Variants in ADAMTS6 observed in about 807,000 individuals in gnomAD.
ADAMTS6 encodes A disintegrin and metalloproteinase with thrombospondin motifs 6.
A neutral mutation model predicts 144.3 loss-of-function variants in ADAMTS6; 23 were observed. The ratio of observed to expected loss-of-function variants is 0.16; its 90% confidence interval spans 0.11 to 0.23. ADAMTS6 has a LOEUF of 0.23. Ranked by LOEUF, ADAMTS6 falls within the 10% of genes least tolerant of loss-of-function variation. ADAMTS6 has a pLI of 1.00. For synonymous variants in ADAMTS6, 444 were observed against 457.5 expected, an observed-to-expected ratio of 0.97 and a Z score of 0.38; for missense variants, 999 against 1,379.6, an observed-to-expected ratio of 0.72 and a Z score of 4.37.
chr5:65,251,952 A>G (rs898606784), intron 14 of ADAMTS6, among the ~76,000 whole-genome samples: 1 of 152,134 alleles, frequency 6.6e-6, no homozygotes, highest in Non-Finnish European at 1.5e-5. Flanking sequence ...TACCATTTCT[A>G]TACCTCTTAA....
In ADAMTS6 at chr5:65,296,264, T is replaced by C. The variant is rs191451410; in HGVS notation, c.1370+3721A>G. 9.3e-4 allele frequency among the ~76,000 whole-genome samples: 141 copies of C among 152,300 alleles called. 1 individual carries two copies. The highest frequency in any genetic ancestry group is 3.2e-3 in the African/African-American group (135 of 41,586). ...GCAAAATAGAATTGGGTTGATATCA[T>C]CTACAGTAAGTCAACTGTCTTACGT... On this transcript the variant is annotated intron_variant, in intron 10 of 24. Transcript: ENST00000381055.
chr5:65,196,384 G>A (rs947398940), intron 21 of ADAMTS6, among the ~76,000 whole-genome samples: 28 of 151,740 alleles, frequency 1.8e-4, no homozygotes, highest in Non-Finnish European at 3.5e-4. Context: ...TTAGCCGGGT[G>A]TGGTGGTGGG....
chr5:65,399,049 G>C (rs932895658), intron 7 of ADAMTS6, among the ~76,000 whole-genome samples: 2 of 151,894 alleles, frequency 1.3e-5, no homozygotes, highest in Non-Finnish European at 2.9e-5. Flanking sequence ...CCGAGGTCAG[G>C]AGTTCGAGAT....
intron 14 of ADAMTS6, among the ~76,000 whole-genome samples, chr5:65,255,884 T>G (rs923914352): frequency 1.3e-5 from 2 of 152,184 alleles, no homozygotes; most frequent in Non-Finnish European, 2.9e-5. Flanking sequence ...AATTTATTTA[T>G]TTTGAGTCAG....
intron 22 of ADAMTS6, among the ~76,000 whole-genome samples, chr5:65,187,804 C>A (rs879461287): frequency 6.6e-6 from 1 of 152,108 alleles, no homozygotes; most frequent in Non-Finnish European, 1.5e-5. Context: ...TATTTTTAAT[C>A]AAATTGATGA....
At chr5:65,434,463 G>A (rs1216707465) in intron 7 of ADAMTS6, among the ~76,000 whole-genome samples, 1 of 152,108 alleles carries the variant, frequency 6.6e-6, no homozygotes, top group Non-Finnish European at 1.5e-5. Context: ...ATTGTATGGT[G>A]TATAAAGCTG....
chr5:65,239,135 G>A (rs540313540), intron 15 of ADAMTS6, among the ~76,000 whole-genome samples: 154 of 152,112 alleles, frequency 1.0e-3, no homozygotes, highest in Admixed American at 1.5e-3. Context: ...GGGGAGGGGG[G>A]AGAGATAGCA....
At chr5:65,399,672 G>A (rs1419249572) in intron 7 of ADAMTS6, among the ~76,000 whole-genome samples, 3 of 151,824 alleles carry the variant, frequency 2.0e-5, no homozygotes, top group Non-Finnish European at 1.5e-5. Context: ...CCTTTCCCTT[G>A]TGATATTAGT....
At chr5:65,457,299 A>T (rs1180260990) in intron 4 of ADAMTS6, among the ~76,000 whole-genome samples, 2 of 152,208 alleles carry the variant, frequency 1.3e-5, no homozygotes, top group African/African-American at 2.4e-5. Context: ...TCGGCAAGAG[A>T]TAATGAGGGT....
chr5:65,170,467 T>C (rs1440474237), intron 24 of ADAMTS6, 150 bp downstream of exon 24: 7 of 853,086 alleles, frequency 8.2e-6, no homozygotes, highest in Non-Finnish European at 1.0e-5. Flanking sequence ...AAAACTTGGG[T>C]TTCCTGATTG....
At chr5:65,420,428 C>T (rs903687700) in intron 7 of ADAMTS6, among the ~76,000 whole-genome samples, 3 of 152,004 alleles carry the variant, frequency 2.0e-5, no homozygotes, top group Non-Finnish European at 4.4e-5. Context: ...GTTGTCCAGG[C>T]TGGAGTACAA....
intron 22 of ADAMTS6, among the ~76,000 whole-genome samples, chr5:65,180,738 T>C (rs1754297543): frequency 6.6e-6 from 1 of 152,186 alleles, no homozygotes; most frequent in South Asian, 2.1e-4. Context: ...TACTATTGCC[T>C]TCAAGATAAA....
chr5:65,283,049 C>T (rs1051537445), intron 11 of ADAMTS6, among the ~76,000 whole-genome samples: 2 of 152,090 alleles, frequency 1.3e-5, no homozygotes, highest in African/African-American at 2.4e-5. Context: ...GAAACATCCT[C>T]TTTGTCCACA....
intron 11 of ADAMTS6, among the ~76,000 whole-genome samples, chr5:65,277,740 A>T (rs570441852): frequency 4.6e-5 from 7 of 152,096 alleles, no homozygotes; most frequent in Non-Finnish European, 1.0e-4. Flanking sequence ...TAAGAATTGA[A>T]ATCTCTATCC....
chr5:65,176,650 TAA>T (rs1754000068), intron 22 of ADAMTS6, among the ~76,000 whole-genome samples: 1 of 152,172 alleles, frequency 6.6e-6, no homozygotes, highest in Non-Finnish European at 1.5e-5. Context: ...TATAAAAGGT[TAA>T]AAAGAGTCTA....
intron 7 of ADAMTS6, among the ~76,000 whole-genome samples, chr5:65,438,316 T>G (rs1461031824): frequency 6.6e-6 from 1 of 152,060 alleles, no homozygotes; most frequent in Admixed American, 6.6e-5. Context: ...TCACCTGAGG[T>G]CAGGAGTTTG....
At chr5:65,394,070 C>T (rs1471480406) in intron 7 of ADAMTS6, among the ~76,000 whole-genome samples, 1 of 152,148 alleles carries the variant, frequency 6.6e-6, no homozygotes, top group Admixed American at 6.5e-5. Flanking sequence ...ATCTCCCATC[C>T]ACATATAATG....
chr5:65,220,413 A>T (rs111665449), intron 18 of ADAMTS6, among the ~76,000 whole-genome samples: 1 of 152,164 alleles, frequency 6.6e-6, no homozygotes, highest in African/African-American at 2.4e-5. Flanking sequence ...ATAAGAACAA[A>T]TTAAAACAAA....
chr5:65,321,317 T>G (rs889007409), intron 9 of ADAMTS6, among the ~76,000 whole-genome samples: 1 of 152,202 alleles, frequency 6.6e-6, no homozygotes, highest in African/African-American at 2.4e-5. Flanking sequence ...TGAGCTTTTT[T>G]TTCATATATG....
Sources: gnomAD v4.1 joint callset for allele counts (sites outside exome capture counted in the v4.1 genomes callset) on GRCh38, gnomAD v4.1.1 for gene constraint, MANE v1.5 for transcripts, NCBI Gene and HGNC (gene_info 2026-07-23, HGNC 2026-07-21) for gene names.